PAK4: variants seen among roughly 807,000 people sequenced by gnomAD.
The protein encoded by PAK4 is serine/threonine-protein kinase PAK 4.
In PAK4, 49 loss-of-function variants were observed where a neutral mutation model predicts 53.5. That is an observed-to-expected ratio of 0.92 (90% CI 0.73 to 1.16). The LOEUF is 1.16. PAK4 is among the 50% of genes most tolerant of loss of function. The pLI is 0.00. For synonymous variants in PAK4, 376 were observed against 375.6 expected (o/e 1.00, Z -0.01); for missense variants, 824 against 850.7 (o/e 0.97, Z 0.39).
chr19:39,157,471 G>T (rs1389487101), intron 1 of PAK4, among the ~76,000 whole-genome samples: 1 of 152,144 alleles, frequency 6.6e-6, no homozygotes, highest in Non-Finnish European at 1.5e-5. Flanking sequence ...GGGCCCATGT[G>T]CAGGCTGGCT....
intron 2 of PAK4, among the ~76,000 whole-genome samples, chr19:39,171,901 A>G (rs1359300519): frequency 1.3e-5 from 2 of 152,240 alleles, no homozygotes. Context: ...ATGCTGGTCT[A>G]GGTGCTGAGA....
chr19:39,173,003 C>T lies in PAK4; in HGVS notation c.290C>T (p.Ser97Phe), dbSNP rs1474235060. 1.3e-6 allele frequency: 2 copies of T among 1,550,030 alleles called. No individual in the cohort carries two copies. ...TTTGAGAACATGTCGGTGACACGCT[C>T]CAACTCCCTGCGGAGAGACAGCCCG... The change falls in exon 3 of 9, where the codon TCC becomes TTC. Residue 97 changes from serine (S) to phenylalanine (F), a missense_variant. Around this residue, in one of 2 missense-constraint regions of PAK4, gnomAD observed 478 missense variants for 435.8 expected, o/e 1.10. Transcript: ENST00000358301. This position sits in a 1 kb window ranked among gnomAD's most constrained non-coding sequence, Gnocchi z 6.9.
downstream of PAK4, chr19:39,181,472 A>G (rs2074700111): frequency 6.6e-6 from 1 of 152,456 alleles, no homozygotes; most frequent in Non-Finnish European, 1.5e-5. Context: ...CATTAGAGGA[A>G]GGAGGCTGCT....
At chr19:39,166,950 G>A (rs2074385738) in intron 1 of PAK4, among the ~76,000 whole-genome samples, 1 of 152,228 alleles carries the variant, frequency 6.6e-6, no homozygotes, top group African/African-American at 2.4e-5. Context: ...GGGAAGGGGT[G>A]GCCCCAGGCA....
intron 1 of PAK4, among the ~76,000 whole-genome samples, chr19:39,158,196 C>T (rs933847330): frequency 2.0e-5 from 3 of 149,332 alleles, no homozygotes; most frequent in African/African-American, 7.4e-5. Context: ...TGTGAGCGTG[C>T]ATGTATGTGC....
intron 1 of PAK4, among the ~76,000 whole-genome samples, chr19:39,146,570 G>A (rs2074002123): frequency 6.6e-6 from 1 of 152,218 alleles, no homozygotes; most frequent in African/African-American, 2.4e-5. Context: ...AGGCGCAGTG[G>A]CTCACGCCTG....
chr19:39,177,114 G>A lies in PAK4; in HGVS notation c.1485+399G>A, dbSNP rs148681882. Among the ~76,000 whole-genome samples the A allele has an allele frequency of 4.3e-3, 662 of 152,250 alleles. 5 individuals carry two copies. The highest frequency in any genetic ancestry group is 0.015 in the African/African-American group (633 of 41,542). On this transcript the variant is annotated intron_variant, in intron 7 of 8. Transcript: ENST00000358301. ...ACTCCTGACCTCAGGTGATCTATCC[G>A]CCTTGGCCTCCTAAAGTGCTGGGAT...
chr19:39,130,007 A>T (rs1423239752), intron 1 of PAK4, among the ~76,000 whole-genome samples: 1 of 151,798 alleles, frequency 6.6e-6, no homozygotes, highest in East Asian at 1.9e-4. Flanking sequence ...AGTGAAGGAG[A>T]CAGACCTGCT....
downstream of PAK4, chr19:39,181,742 G>C (rs941693726): frequency 6.6e-6 from 1 of 152,290 alleles, no homozygotes; most frequent in Non-Finnish European, 1.5e-5. Context: ...CCCACATTTA[G>C]TTGACCAGCT....
At chr19:39,141,440 C>T (rs557454446) in intron 1 of PAK4, among the ~76,000 whole-genome samples, 5 of 151,594 alleles carry the variant, frequency 3.3e-5, no homozygotes, top group Admixed American at 2.0e-4. Context: ...CTCAGCCTCC[C>T]GAGTAGCTGG....
chr19:39,162,611 CCTTT>C (rs779535824), intron 1 of PAK4, among the ~76,000 whole-genome samples: 40 of 152,100 alleles, frequency 2.6e-4, no homozygotes, highest in Admixed American at 1.4e-3. Context: ...CCCCTCAGCT[CCTTT>C]CTGATTGCTG....
intron 1 of PAK4, among the ~76,000 whole-genome samples, chr19:39,149,274 A>G (rs2074055983): frequency 6.6e-6 from 1 of 152,274 alleles, no homozygotes; most frequent in Admixed American, 6.5e-5. Context: ...ATGGAGGAAC[A>G]AAAGATGGTA....
chr19:39,164,128 T>C (rs1000795397), intron 1 of PAK4, among the ~76,000 whole-genome samples: 2 of 151,738 alleles, frequency 1.3e-5, no homozygotes, highest in African/African-American at 2.4e-5. Flanking sequence ...AATACATAAA[T>C]TAGCCGGGTA....
Position 39,173,277 on chromosome 19 carries a change from C to T in PAK4, c.564C>T (p.Pro188=), listed in dbSNP as rs1311404220. 1 of 1,603,820 alleles carries T rather than the reference C, an allele frequency of 6.2e-7. No individual in the cohort carries two copies. The highest frequency in any genetic ancestry group is 8.5e-7 in the Non-Finnish European group (1 of 1,176,190). Residue 188 remains proline (P), a synonymous_variant, in exon 3 of 9, where the codon CCC becomes CCT. Transcript: ENST00000358301. The surrounding 1 kb of genome is among the most constrained non-coding windows in gnomAD (Gnocchi z 6.9). ...TCTCCGGGCCTGATGTCGGCACCCC[C>T]CAGCCTGCTGGTCTGGCCAGTGGGG...
At chr19:39,155,847 C>T (rs1291810815) in intron 1 of PAK4, among the ~76,000 whole-genome samples, 6 of 152,216 alleles carry the variant, frequency 3.9e-5, no homozygotes, top group Non-Finnish European at 7.3e-5. Flanking sequence ...GGACCTGTCT[C>T]ATTTAGGGCA....
At chr19:39,135,951 T>C (rs949978367) in intron 1 of PAK4, among the ~76,000 whole-genome samples, 1 of 150,996 alleles carries the variant, frequency 6.6e-6, no homozygotes, top group African/African-American at 2.4e-5. Flanking sequence ...TACATGACAA[T>C]GTAACCTGGT....
intron 1 of PAK4, among the ~76,000 whole-genome samples, chr19:39,129,047 C>A (rs539125240): frequency 6.6e-6 from 1 of 152,264 alleles, no homozygotes; most frequent in South Asian, 2.1e-4. Context: ...CATAAACATG[C>A]CTTTCTGCAA....
chr19:39,179,381 C>G (rs2074676551), exon 9 of PAK4: 1 of 134,580 alleles, frequency 7.4e-6, no homozygotes, highest in Admixed American at 7.6e-5. Context: ...GTTAGTTTTA[C>G]AATTAAAACA....
At position 39,128,428 on chromosome 19, in the gene PAK4, A is replaced by T. The variant is rs191340936; in HGVS notation, c.-23+2509A>T. Among the ~76,000 whole-genome samples the T allele has an allele frequency of 3.1e-3, 475 of 152,234 alleles. 2 individuals carry two copies. The highest frequency in any genetic ancestry group is 8.5e-3 in the South Asian group (41 of 4,826). Reference sequence around the variant, plus strand: ...CGGCACACTGCCAGGCAGCCCTCTGAGGCTGGCCCAGCCTCCCAGCCTTGC... The same window carrying T: ...CGGCACACTGCCAGGCAGCCCTCTGTGGCTGGCCCAGCCTCCCAGCCTTGC... On this transcript the variant is annotated intron_variant, in intron 1 of 8. Coordinates refer to ENST00000358301, the Ensembl canonical transcript of PAK4.
Sources: gnomAD v4.1 joint callset for allele counts (sites outside exome capture counted in the v4.1 genomes callset) on GRCh38, gnomAD v4.1.1 for gene constraint, gnomAD v4.1.1 regional missense constraint, Gnocchi (gnomAD v3.1) non-coding constraint, MANE v1.5 for transcripts, NCBI Gene and HGNC (gene_info 2026-07-23, HGNC 2026-07-21) for gene names.